The following MIR2052HG variants were observed in gnomAD, a reference collection of about 807,000 sequenced individuals.
MIR2052HG encodes MIR2052 host gene.
At chr8:74,612,886 T>C in exon 2 of MIR2052HG, 1 of 456,178 alleles carries the variant, frequency 2.2e-6, no homozygotes, top group Non-Finnish European at 4.4e-6. Flanking sequence ...GAGACAAAGG[T>C]GGCAGCTTTG....
chr8:74,618,134 C>A (rs73687178), intron 2 of MIR2052HG, among the ~76,000 whole-genome samples: 1 of 152,188 alleles, frequency 6.6e-6, no homozygotes, highest in African/African-American at 2.4e-5. Context: ...CCAATTCCAT[C>A]GCTTTAAGCA....
At chr8:74,623,156 A>G (rs1306782140) in intron 2 of MIR2052HG, among the ~76,000 whole-genome samples, 1 of 152,260 alleles carries the variant, frequency 6.6e-6, no homozygotes, top group Non-Finnish European at 1.5e-5. Context: ...TCTCATCACA[A>G]AAAAGATAAG....
intron 2 of MIR2052HG, among the ~76,000 whole-genome samples, chr8:74,623,815 T>C (rs1808399646): frequency 6.6e-6 from 1 of 152,224 alleles, no homozygotes; most frequent in African/African-American, 2.4e-5. Context: ...TCTCAATTGC[T>C]ACATGGCTTG....
At chr8:74,602,759 C>T (rs1808020313) in intron 1 of MIR2052HG, among the ~76,000 whole-genome samples, 1 of 151,154 alleles carries the variant, frequency 6.6e-6, no homozygotes, top group Non-Finnish European at 1.5e-5. Flanking sequence ...TTGTGATCCA[C>T]CTGCCTCGGC....
At chr8:74,714,448 A>G (rs269187) in intron 4 of MIR2052HG, among the ~76,000 whole-genome samples, 32,271 of 152,116 alleles carry the variant, frequency 0.21, 3,599 homozygotes, top group Middle Eastern at 0.31. Flanking sequence ...AAAGTAAATG[A>G]AAGTTATATA....
At chr8:74,755,103 A>G (rs982565101) in intron 5 of MIR2052HG, among the ~76,000 whole-genome samples, 2 of 152,222 alleles carry the variant, frequency 1.3e-5, no homozygotes, top group African/African-American at 4.8e-5. Flanking sequence ...GAAACTTTAC[A>G]TCTTCTAAAT....
intron 2 of MIR2052HG, chr8:74,625,160 G>A (rs965538820): frequency 6.6e-6 from 1 of 152,118 alleles, no homozygotes; most frequent in Non-Finnish European, 1.5e-5. Flanking sequence ...CTGGGCTCAA[G>A]TGGTCCTCCT....
chr8:74,740,014 A>G (rs1232249183), intron 4 of MIR2052HG, among the ~76,000 whole-genome samples: 1 of 152,222 alleles, frequency 6.6e-6, no homozygotes, highest in Non-Finnish European at 1.5e-5. Flanking sequence ...AACTAAAATA[A>G]TTTAACAAAT....
intron 3 of MIR2052HG, among the ~76,000 whole-genome samples, chr8:74,703,084 A>G (rs1229328960): frequency 6.6e-6 from 1 of 152,028 alleles, no homozygotes; most frequent in Non-Finnish European, 1.5e-5. Flanking sequence ...AGCAGAAGTC[A>G]CATAAGAATA....
intron 2 of MIR2052HG, among the ~76,000 whole-genome samples, chr8:74,698,381 T>C (rs1809322797): frequency 6.6e-6 from 1 of 152,216 alleles, no homozygotes; most frequent in Non-Finnish European, 1.5e-5. Flanking sequence ...GGCTGAAATC[T>C]GAAACCTAAA....
At chr8:74,604,566 C>T (rs1586884995) in intron 1 of MIR2052HG, among the ~76,000 whole-genome samples, 1 of 139,194 alleles carries the variant, frequency 7.2e-6, no homozygotes, top group Non-Finnish European at 1.5e-5. Flanking sequence ...CTGCTCTGGG[C>T]CGGCCTTGTT....
At chr8:74,725,285 G>A (rs1479114256) in intron 4 of MIR2052HG, among the ~76,000 whole-genome samples, 2 of 152,208 alleles carry the variant, frequency 1.3e-5, no homozygotes, top group African/African-American at 4.8e-5. Context: ...GCTGATAGCA[G>A]TATAAAGAAG....
At chr8:74,718,140 G>A (rs1416837203) in intron 4 of MIR2052HG, among the ~76,000 whole-genome samples, 1 of 152,068 alleles carries the variant, frequency 6.6e-6, no homozygotes, top group Non-Finnish European at 1.5e-5. Flanking sequence ...GAATTGTTGG[G>A]GCAATGGAGA....
chr8:74,702,848 A>G (rs1309874554), intron 3 of MIR2052HG, among the ~76,000 whole-genome samples: 1 of 152,102 alleles, frequency 6.6e-6, no homozygotes, highest in Non-Finnish European at 1.5e-5. Context: ...TAAGGAAATA[A>G]CCCAAAGGTA....
intron 2 of MIR2052HG, among the ~76,000 whole-genome samples, chr8:74,633,914 G>T (rs1050998925): frequency 6.6e-6 from 1 of 152,182 alleles, no homozygotes; most frequent in African/African-American, 2.4e-5. Flanking sequence ...GTTGGTTAAT[G>T]CAGTCTTTCA....
intron 4 of MIR2052HG, among the ~76,000 whole-genome samples, chr8:74,728,076 A>T (rs1384822987): frequency 6.6e-6 from 1 of 152,170 alleles, no homozygotes; most frequent in Non-Finnish European, 1.5e-5. Context: ...TCTTTATAGG[A>T]TTTTCCTTGG....
chr8:74,686,668 G>A (rs545888738), intron 2 of MIR2052HG, among the ~76,000 whole-genome samples: 4 of 152,124 alleles, frequency 2.6e-5, no homozygotes, highest in Middle Eastern at 3.4e-3. Flanking sequence ...TCATCAAGCC[G>A]TTTTGAAGGT....
chr8:74,724,311 T>C (rs975568870), intron 4 of MIR2052HG, among the ~76,000 whole-genome samples: 1 of 152,222 alleles, frequency 6.6e-6, no homozygotes, highest in African/African-American at 2.4e-5. Context: ...GGCAATGTTT[T>C]TCAGGAGATA....
intron 2 of MIR2052HG, among the ~76,000 whole-genome samples, chr8:74,690,968 A>G (rs1465979346): frequency 6.6e-6 from 1 of 152,214 alleles, no homozygotes; most frequent in Admixed American, 6.5e-5. Flanking sequence ...ACTGAGTCCC[A>G]TAATTTTTGT....
Sources: allele counts gnomAD v4.1 joint callset (sites outside exome capture counted in the v4.1 genomes callset), GRCh38; gene constraint gnomAD v4.1.1; transcripts MANE v1.5; gene names NCBI Gene and HGNC (gene_info 2026-07-23, HGNC 2026-07-21).